The following TMEM184C variants were observed in gnomAD, a reference collection of about 807,000 sequenced individuals.
TMEM184C encodes the protein transmembrane protein 34.
Under a neutral mutation model 54.5 loss-of-function variants are expected in TMEM184C, and 25 were observed. The observed-to-expected ratio is 0.46, with a 90% CI of 0.33 to 0.64. The LOEUF is 0.64. TMEM184C is among the 30% of genes least tolerant of loss of function. The pLI, the probability that TMEM184C is intolerant of heterozygous loss-of-function variation, is 0.02. For missense variants in TMEM184C, 335 were observed against 520.3 expected (o/e 0.64, Z 3.46); for synonymous variants, 148 against 181.5 (o/e 0.82, Z 1.49).
At chr4:147,626,068 T>A (rs908710819) in intron 4 of TMEM184C, among the ~76,000 whole-genome samples, 40 of 152,292 alleles carry the variant, frequency 2.6e-4, no homozygotes, top group African/African-American at 8.4e-4. Context: ...GCCCGTTTAT[T>A]GATCTGGGTG....
Position 147,617,675 on chromosome 4 carries a change from C to T in TMEM184C, c.-282C>T, listed in dbSNP as rs1732622773. On this transcript the variant is annotated 5_prime_UTR_variant, in exon 1 of 10. Coordinates refer to ENST00000296582, the MANE Select transcript of TMEM184C (RefSeq NM_018241.3). The stretch of plus-strand genomic sequence containing the variant: ...CCCCAGGTGAGGGCAGCGGCTCTGC[C>T]TGGGATTCCACCGCAGTACAACCGG... 2.6e-6 allele frequency: 1 copy of T among 385,728 alleles called. No individual in the cohort carries two copies. Among genetic ancestry groups the T allele is most frequent in the Non-Finnish European group, 5.0e-6 (1 of 200,648 alleles). 23.9% of individuals were successfully genotyped at this position (385,728 alleles called of 1,614,324 possible). A position where few individuals can be genotyped will look rare whatever the true frequency, so the allele number is the denominator to read the frequency against.
At chr4:147,631,774 A>G (rs370821394) in intron 7 of TMEM184C, among the ~76,000 whole-genome samples, 1 of 152,252 alleles carries the variant, frequency 6.6e-6, no homozygotes, top group Non-Finnish European at 1.5e-5. Context: ...GCCCTGTCAT[A>G]TAATAGAATA....
rs539821646 is a variant in TMEM184C, at chr4:147,624,839, T to C, written c.327T>C (p.Tyr109=). The change falls in exon 4 of 10, where the codon TAT becomes TAC. Residue 109 remains tyrosine (Y), a synonymous_variant. Coordinates refer to ENST00000296582, the MANE Select transcript of TMEM184C (RefSeq NM_018241.3). ...IALKYPGIAI[Y]VDTCRECYEA... ...TGAAATATCCCGGAATTGCAATATA[T>C]GTGGATACCTGCAGAGAATGCTATG... The C allele has an allele frequency of 2.5e-6, 4 of 1,613,862 alleles. No individual in the cohort carries two copies. Among genetic ancestry groups the C allele is most frequent in the South Asian group, 1.1e-5 (1 of 91,074 alleles).
rs1262502365 is a variant in TMEM184C, at chr4:147,634,361, A to C, written c.1244A>C (p.Lys415Thr). The C allele has an allele frequency of 6.2e-7, 1 of 1,614,190 alleles. No homozygotes were observed. Among genetic ancestry groups the C allele is most frequent in the Non-Finnish European group, 8.5e-7 (1 of 1,180,022 alleles). Residue 415 changes from lysine to threonine, a missense_variant, in exon 10 of 10, where the codon AAG becomes ACG. By Grantham distance (78) the Lys-to-Thr change is moderately conservative. Coordinates refer to ENST00000296582, the MANE Select transcript of TMEM184C (RefSeq NM_018241.3). ...VTPQTTPTTA[K>T]ISDEILSDTI... is the part of the protein sequence containing the mutation. ...CCCCAGACTACACCTACCACAGCTA[A>C]GATATCTGATGAAATCCTTAGTGAT...
chr4:147,632,283 C>T (rs1057269616), intron 7 of TMEM184C, among the ~76,000 whole-genome samples: 8 of 151,284 alleles, frequency 5.3e-5, no homozygotes, highest in African/African-American at 1.7e-4. Flanking sequence ...AAAGAAAAAT[C>T]CCTGAAATCC....
intron 1 of TMEM184C, among the ~76,000 whole-genome samples, chr4:147,623,440 A>AG (rs1281862151): frequency 2.6e-5 from 4 of 151,832 alleles, no homozygotes; most frequent in Non-Finnish European, 5.9e-5. Context: ...CTCAAAAAAA[A>AG]AAAAAGAAAA....
At chr4:147,618,319 A>G (rs1732638586) in intron 1 of TMEM184C, among the ~76,000 whole-genome samples, 1 of 152,246 alleles carries the variant, frequency 6.6e-6, no homozygotes, top group South Asian at 2.1e-4. Flanking sequence ...TTAGAAGGGC[A>G]CTGTTTTGCA....
chr4:147,633,545 A>G (rs558193932), intron 8 of TMEM184C, among the ~76,000 whole-genome samples: 1 of 152,238 alleles, frequency 6.6e-6, no homozygotes, highest in South Asian at 2.1e-4. Context: ...CAAGGCTGCT[A>G]CTTGAGGAAG....
intron 7 of TMEM184C, chr4:147,632,650 C>G: frequency 5.1e-6 from 2 of 391,466 alleles, no homozygotes; most frequent in Non-Finnish European, 9.2e-6. Context: ...TAAATTTTAC[C>G]TGGGGCCATT....
At chr4:147,624,337 G>A (rs1048511771) in intron 3 of TMEM184C, among the ~76,000 whole-genome samples, 3 of 149,870 alleles carry the variant, frequency 2.0e-5, no homozygotes, top group Non-Finnish European at 4.4e-5. Context: ...GATTGTTAAA[G>A]AATGTAATAT....
At chr4:147,631,943 G>C (rs1168989185) in intron 7 of TMEM184C, among the ~76,000 whole-genome samples, 1 of 152,176 alleles carries the variant, frequency 6.6e-6, no homozygotes, top group Admixed American at 6.5e-5. Context: ...ACTTTGGGAG[G>C]CCAAGACAGG....
Position 147,631,412 on chromosome 4 carries a change from T to G in TMEM184C, c.686T>G (p.Leu229Arg). 6.3e-7 allele frequency: 1 copy of G among 1,593,398 alleles called. No homozygotes were observed. The highest frequency in any genetic ancestry group is 2.3e-5 in the East Asian group (1 of 44,384). ...MSQLFAMYCL[L>R]LFYKVLKEEL... is the part of the protein sequence containing the mutation. ...TTCTAGTTTGCCATGTATTGTCTCCTGCTCTTTTATAAAGTACTAAAAGAA... is the reference window on the plus strand; with the variant it reads ...TTCTAGTTTGCCATGTATTGTCTCCGGCTCTTTTATAAAGTACTAAAAGAA... The change falls in exon 7 of 10, where the codon CTG becomes CGG. Residue 229 changes from leucine to arginine, a missense_variant. Coordinates refer to ENST00000296582, the MANE Select transcript of TMEM184C (RefSeq NM_018241.3).
At chr4:147,633,555 G>A (rs572706334) in intron 8 of TMEM184C, among the ~76,000 whole-genome samples, 1 of 152,122 alleles carries the variant, frequency 6.6e-6, no homozygotes, top group Admixed American at 6.5e-5. Flanking sequence ...ACTTGAGGAA[G>A]TGCAAAATAG....
intron 1 of TMEM184C, 104 bp from the exon 2 acceptor site, chr4:147,623,730 G>A (rs532352120): frequency 6.9e-4 from 755 of 1,100,444 alleles, no homozygotes; most frequent in Non-Finnish European, 8.9e-4. Context: ...CTCCCACCTC[G>A]GCCTCCCCAA....
chr4:147,631,376 G>A lies in TMEM184C; in HGVS notation c.667-17G>A. 6.6e-7 allele frequency: 1 copy of A among 1,512,768 alleles called. No homozygotes were observed. Among genetic ancestry groups the A allele is most frequent in the Non-Finnish European group, 8.9e-7 (1 of 1,118,368 alleles). The allele number at this position is 1,512,768 out of a possible 1,614,324, so 93.7% of individuals were successfully genotyped here. A position where few individuals can be genotyped will look rare whatever the true frequency, so the allele number is the denominator to read the frequency against. On this transcript the variant is annotated splice_polypyrimidine_tract_variant and intron_variant, in intron 6 of 9. Transcript: ENST00000296582. ...TATCTATTACTGAACAAGTTTAAAT[G>A]TTAATCTTGTTTCTAGTTTGCCATG...
intron 7 of TMEM184C, among the ~76,000 whole-genome samples, chr4:147,632,199 A>G (rs958264422): frequency 6.6e-6 from 1 of 150,998 alleles, no homozygotes; most frequent in African/African-American, 2.4e-5. Flanking sequence ...AGAATTTAGT[A>G]AAGAGGTGGG....
chr4:147,631,583 A>G, intron 7 of TMEM184C, 78 bp downstream of exon 7: 1 of 1,010,750 alleles, frequency 9.9e-7, no homozygotes, highest in Admixed American at 2.2e-5. Context: ...ATTTTTAAAC[A>G]GTCTTAATGC....
At chr4:147,621,423 A>C (rs1350729449) in intron 1 of TMEM184C, among the ~76,000 whole-genome samples, 1 of 152,040 alleles carries the variant, frequency 6.6e-6, no homozygotes, top group Admixed American at 6.6e-5. Flanking sequence ...GAGCCCAAAA[A>C]CTCAACTCAT....
intron 1 of TMEM184C, 86 bp from the exon 2 acceptor site, chr4:147,623,748 G>A: frequency 7.3e-7 from 1 of 1,368,504 alleles, no homozygotes; most frequent in Non-Finnish European, 1.0e-6. Context: ...CAAGTGCTAG[G>A]ATTATAGGCA....
Sources: allele counts gnomAD v4.1 joint callset (sites outside exome capture counted in the v4.1 genomes callset), GRCh38; gene constraint gnomAD v4.1.1; transcripts MANE v1.5; gene names NCBI Gene and HGNC (gene_info 2026-07-23, HGNC 2026-07-21).